The following XKR9 variants were observed in gnomAD, a reference collection of about 807,000 sequenced individuals.
XKR9 encodes the protein XK related 9.
XKR9 carries 32 observed loss-of-function variants against 32.0 expected under a neutral mutation model. The ratio of observed to expected loss-of-function variants is 1.00; its 90% CI spans 0.76 to 1.34. The LOEUF (loss-of-function observed/expected upper bound fraction) is 1.34. XKR9 is among the 40% of genes most tolerant of loss of function. The probability of loss-of-function intolerance (pLI) is 0.00; values close to 1 mark genes in which losing one functional copy is unlikely to be tolerated. For missense variants in XKR9, 546 were observed against 429.7 expected, an observed-to-expected ratio of 1.27 and a Z score of -2.39; for synonymous variants, 168 against 143.4, an observed-to-expected ratio of 1.17 and a Z score of -1.22.
chr8:70,848,708 C>T, the XKR9 span, among the ~76,000 whole-genome samples: 6 of 143,864 alleles, frequency 4.2e-5, no homozygotes, highest in African/African-American at 1.6e-4. Context: ...CATGCAAAGA[C>T]ACATGTAGGC....
chr8:70,711,381 C>T (rs1277713522), intron 4 of XKR9, among the ~76,000 whole-genome samples: 2 of 152,070 alleles, frequency 1.3e-5, no homozygotes, highest in African/African-American at 4.8e-5. Context: ...ACCTAGATGT[C>T]AATCAGTTGT....
At chr8:70,719,468 A>C (rs1273203113) in intron 4 of XKR9, among the ~76,000 whole-genome samples, 2 of 152,066 alleles carry the variant, frequency 1.3e-5, no homozygotes, top group African/African-American at 4.8e-5. Flanking sequence ...ATCCATCTTG[A>C]GTTAATTTTT....
At chr8:70,841,466 A>T in the XKR9 span, among the ~76,000 whole-genome samples, 1 of 152,176 alleles carries the variant, frequency 6.6e-6, no homozygotes, top group African/African-American at 2.4e-5. Context: ...GAACAGCTTA[A>T]AAAACCTCCT....
chr8:70,862,986 G>A, the XKR9 span, among the ~76,000 whole-genome samples: 1 of 152,172 alleles, frequency 6.6e-6, no homozygotes. Context: ...CAGAGGTCCT[G>A]TGGCAGGAGG....
At chr8:70,966,413 A>G in the XKR9 span, among the ~76,000 whole-genome samples, 2 of 151,866 alleles carry the variant, frequency 1.3e-5, no homozygotes, top group African/African-American at 4.8e-5. Flanking sequence ...ATGCCCAGCT[A>G]ATTTTTTTCT....
intron 3 of XKR9, among the ~76,000 whole-genome samples, chr8:70,685,427 A>G (rs1477343465): frequency 1.3e-5 from 2 of 148,570 alleles, no homozygotes; most frequent in African/African-American, 2.5e-5. Flanking sequence ...GCACACCAGC[A>G]TGGCACATGT....
the XKR9 span, among the ~76,000 whole-genome samples, chr8:70,812,737 G>A: frequency 6.6e-6 from 1 of 152,130 alleles, no homozygotes; most frequent in Non-Finnish European, 1.5e-5. Flanking sequence ...ACTCACAAGG[G>A]ATATGAAGGA....
intron 2 of XKR9, among the ~76,000 whole-genome samples, chr8:70,776,108 A>G (rs958376607): frequency 2.0e-5 from 3 of 152,102 alleles, no homozygotes; most frequent in Non-Finnish European, 4.4e-5. Context: ...CCTGTTTCAC[A>G]AAATCAGTTG....
At chr8:70,949,215 T>C in the XKR9 span, among the ~76,000 whole-genome samples, 2 of 152,202 alleles carry the variant, frequency 1.3e-5, no homozygotes, top group African/African-American at 4.8e-5. Context: ...TAATGTATTT[T>C]CATGCAAGTA....
At chr8:70,823,626 ATTCGAACTT>A in the XKR9 span, among the ~76,000 whole-genome samples, 1 of 152,222 alleles carries the variant, frequency 6.6e-6, no homozygotes, top group Non-Finnish European at 1.5e-5. Context: ...TGTGCAGGAG[ATTCGAACTT>A]TTGGTAAGAG....
the XKR9 span, among the ~76,000 whole-genome samples, chr8:70,801,181 C>T: frequency 6.6e-6 from 1 of 151,838 alleles, no homozygotes; most frequent in Admixed American, 6.6e-5. Flanking sequence ...AGTTTGCTTC[C>T]ATTCAACTCT....
At chr8:70,801,973 C>T in the XKR9 span, among the ~76,000 whole-genome samples, 2 of 148,126 alleles carry the variant, frequency 1.4e-5, no homozygotes, top group Admixed American at 6.8e-5. Flanking sequence ...CTTGCTCTGT[C>T]GCCCAGAGAC....
At chr8:70,880,676 C>G in the XKR9 span, among the ~76,000 whole-genome samples, 2 of 152,128 alleles carry the variant, frequency 1.3e-5, no homozygotes, top group Non-Finnish European at 2.9e-5. Flanking sequence ...GAATCAATAT[C>G]ATGAAAATGG....
chr8:70,742,223 A>G lies in XKR9; in HGVS notation n.352+35070A>G, dbSNP rs118032463. Among the ~76,000 whole-genome samples, 1,039 of 152,348 alleles carry G rather than the reference A, an allele frequency of 6.8e-3. 8 individuals are homozygous for G. The highest frequency in any genetic ancestry group is 0.021 in the South Asian group (103 of 4,828). ...ATTAAAACTGGGCAAAAACTCAGTA[A>G]TATGTCCCTTATGCTACTCTTTGAG... On this transcript the variant is annotated intron_variant and non_coding_transcript_variant, in intron 2 of 3. Transcript: ENST00000520273.
At chr8:71,004,450 GAC>G in the XKR9 span, among the ~76,000 whole-genome samples, 13 of 152,332 alleles carry the variant, frequency 8.5e-5, no homozygotes. Flanking sequence ...AAAATGGAAA[GAC>G]AAACAATTGT....
the XKR9 span, among the ~76,000 whole-genome samples, chr8:70,977,481 T>C: frequency 1.3e-5 from 2 of 152,334 alleles, no homozygotes; most frequent in African/African-American, 4.8e-5. Context: ...AAAATGTTTA[T>C]TTCGTTATTT....
the XKR9 span, among the ~76,000 whole-genome samples, chr8:70,921,931 G>T: frequency 6.6e-6 from 1 of 152,090 alleles, no homozygotes; most frequent in Non-Finnish European, 1.5e-5. Flanking sequence ...TTTCACTGTG[G>T]ATACTACTTA....
At chr8:70,885,108 C>A in the XKR9 span, among the ~76,000 whole-genome samples, 76 of 151,002 alleles carry the variant, frequency 5.0e-4, 1 homozygote, top group East Asian at 0.01. Flanking sequence ...TCAGTTTATA[C>A]CTAATTATTT....
chr8:70,867,081 A>ATGGACTTAC, the XKR9 span, among the ~76,000 whole-genome samples: 1 of 152,306 alleles, frequency 6.6e-6, no homozygotes, highest in South Asian at 2.1e-4. Flanking sequence ...AAAGGGTTTA[A>ATGGACTTAC]TGGACTTACA....
Sources: allele counts gnomAD v4.1 joint callset (sites outside exome capture counted in the v4.1 genomes callset), GRCh38; gene constraint gnomAD v4.1.1; transcripts MANE v1.5; gene names NCBI Gene and HGNC (gene_info 2026-07-23, HGNC 2026-07-21).